PIP4K2A: variants seen among roughly 807,000 people sequenced by gnomAD.
PIP4K2A encodes phosphatidylinositol-5-phosphate 4-kinase type 2 alpha.
Under a neutral mutation model 42.9 loss-of-function variants are expected in PIP4K2A, and 14 were observed. That is an observed-to-expected ratio of 0.33 (90% CI 0.22 to 0.51). The LOEUF is 0.51. Ranked by LOEUF, PIP4K2A falls within the 20% of genes least tolerant of loss-of-function variation. The pLI, the probability that PIP4K2A is intolerant of heterozygous loss-of-function variation, is 0.97. For missense variants in PIP4K2A, 434 were observed against 519.8 expected (o/e 0.83, Z 1.61); for synonymous variants, 192 against 192.2 (o/e 1.00, Z 0.01).
At chr10:22,638,237 G>C (rs558551018) in intron 1 of PIP4K2A, among the ~76,000 whole-genome samples, 1 of 152,258 alleles carries the variant, frequency 6.6e-6, no homozygotes, top group South Asian at 2.1e-4. Context: ...AAAGCATTGG[G>C]TTTTGATTAA....
chr10:22,690,401 T>C (rs775905663), intron 1 of PIP4K2A, among the ~76,000 whole-genome samples: 3 of 152,234 alleles, frequency 2.0e-5, no homozygotes, highest in Non-Finnish European at 2.9e-5. Context: ...ATTTAAATCA[T>C]TAGGGTTCCC....
intron 1 of PIP4K2A, among the ~76,000 whole-genome samples, chr10:22,639,009 C>T (rs1389910614): frequency 2.0e-5 from 3 of 152,026 alleles, no homozygotes; most frequent in Non-Finnish European, 4.4e-5. Flanking sequence ...CTCAAGGCCA[C>T]CAGAAGCCCT....
chr10:22,601,838 C>A (rs1442860156), intron 3 of PIP4K2A, among the ~76,000 whole-genome samples: 1 of 152,224 alleles, frequency 6.6e-6, no homozygotes, highest in Non-Finnish European at 1.5e-5. Flanking sequence ...TCCTTTCTAT[C>A]CACCTGTAGC....
In PIP4K2A at chr10:22,537,080, T is replaced by TAAAC; in HGVS notation, c.*117_*120dup. On this transcript the variant is annotated 3_prime_UTR_variant, in exon 10 of 10. Coordinates refer to ENST00000376573, the MANE Select transcript of PIP4K2A (RefSeq NM_005028.5). ...AATCAGTCATCTTGGCCTGAAGATGTAAACAAGGAGGTTTGCTTCCTGCAA... is the reference window on the plus strand; with the variant it reads ...AATCAGTCATCTTGGCCTGAAGATGTAAACAAACAAGGAGGTTTGCTTCCTGCAA... The TAAAC allele has an allele frequency of 1.4e-6, 1 of 709,876 alleles. No homozygotes were observed. The highest frequency in any genetic ancestry group is 1.8e-5 in the South Asian group (1 of 54,844). The allele number at this position is 709,876 out of a possible 1,614,324, so 44.0% of individuals were successfully genotyped here.
At chr10:22,587,162 C>G (rs1837414910) in intron 4 of PIP4K2A, among the ~76,000 whole-genome samples, 1 of 152,140 alleles carries the variant, frequency 6.6e-6, no homozygotes, top group African/African-American at 2.4e-5. Context: ...AGAGGCTGGC[C>G]TTGGGCAATT....
At chr10:22,645,549 T>TAAAAAAAAAA (rs71395807) in intron 1 of PIP4K2A, among the ~76,000 whole-genome samples, 1 of 126,914 alleles carries the variant, frequency 7.9e-6, no homozygotes. Flanking sequence ...TCTATTTCTT[T>TAAAAAAAAAA]AAAAAAAAAA....
At chr10:22,701,874 T>G (rs1356918884) in intron 1 of PIP4K2A, among the ~76,000 whole-genome samples, 1 of 152,150 alleles carries the variant, frequency 6.6e-6, no homozygotes, top group Non-Finnish European at 1.5e-5. Context: ...CCTCATGGGT[T>G]GACAGGAACA....
chr10:22,539,058 A>G (rs1435623333), intron 9 of PIP4K2A, among the ~76,000 whole-genome samples: 2 of 152,166 alleles, frequency 1.3e-5, no homozygotes, highest in African/African-American at 2.4e-5. Context: ...GGTGGGCTCT[A>G]TGGCTTTCAG....
In PIP4K2A at chr10:22,534,868, C is replaced by T. The variant is rs4748809; in HGVS notation, c.*2333G>A. 0.95 allele frequency: 143,949 copies of T among 152,292 alleles called. 68,039 individuals carry two copies. Among genetic ancestry groups the T allele is most frequent in the East Asian group, 1 (5,169 of 5,176 alleles). 9.4% of individuals were successfully genotyped at this position (152,292 alleles called of 1,614,324 possible). On this transcript the variant is annotated 3_prime_UTR_variant, in exon 10 of 10. Coordinates refer to ENST00000376573, the MANE Select transcript of PIP4K2A (RefSeq NM_005028.5). ...AACTAAAAAGATTCAATTCCACTTT[C>T]ATTTCTTCAAGGATTAGCTAAAGAC...
intron 3 of PIP4K2A, among the ~76,000 whole-genome samples, chr10:22,598,053 C>G (rs926290719): frequency 6.6e-6 from 1 of 152,168 alleles, no homozygotes; most frequent in Admixed American, 6.5e-5. Context: ...AATAAAGTGA[C>G]ATTATTTAAA....
chr10:22,631,905 G>A (rs1441120855), intron 1 of PIP4K2A, among the ~76,000 whole-genome samples: 1 of 152,174 alleles, frequency 6.6e-6, no homozygotes, highest in African/African-American at 2.4e-5. Context: ...TGACATCACC[G>A]TAACCAACTG....
chr10:22,571,762 A>G (rs905667276), intron 5 of PIP4K2A, among the ~76,000 whole-genome samples: 2 of 152,244 alleles, frequency 1.3e-5, no homozygotes, highest in African/African-American at 4.8e-5. Flanking sequence ...ATGCTTTAAC[A>G]ACTTTCCAAA....
intron 4 of PIP4K2A, among the ~76,000 whole-genome samples, chr10:22,581,248 A>G (rs1394969299): frequency 6.8e-6 from 1 of 146,196 alleles, no homozygotes; most frequent in Non-Finnish European, 1.5e-5. Context: ...CCCTCCGCTC[A>G]CATCAAACAG....
intron 6 of PIP4K2A, among the ~76,000 whole-genome samples, chr10:22,552,360 G>C (rs1483148225): frequency 6.6e-6 from 1 of 152,152 alleles, no homozygotes; most frequent in African/African-American, 2.4e-5. Context: ...GAGTTATTGA[G>C]TCTTTAAGAA....
intron 4 of PIP4K2A, among the ~76,000 whole-genome samples, chr10:22,587,339 T>G (rs533263936): frequency 1.3e-5 from 2 of 152,178 alleles, no homozygotes; most frequent in Non-Finnish European, 2.9e-5. Context: ...TCAACTGATA[T>G]GCACCTGAAC....
chr10:22,658,285 A>T (rs960239514), intron 1 of PIP4K2A, among the ~76,000 whole-genome samples: 19 of 152,252 alleles, frequency 1.2e-4, no homozygotes, highest in African/African-American at 3.6e-4. Context: ...TGAATGTGAC[A>T]TAAACTGAAA....
intron 4 of PIP4K2A, among the ~76,000 whole-genome samples, chr10:22,587,874 C>T (rs572362882): frequency 2.6e-5 from 4 of 152,324 alleles, no homozygotes; most frequent in East Asian, 3.9e-4. Flanking sequence ...ATGTTTGACT[C>T]GGCGGACTGC....
At chr10:22,707,972 A>G (rs1313235675) in intron 1 of PIP4K2A, among the ~76,000 whole-genome samples, 1 of 152,170 alleles carries the variant, frequency 6.6e-6, no homozygotes, top group Non-Finnish European at 1.5e-5. Flanking sequence ...CTAGTACAAA[A>G]AAGAAAAGAA....
rs958352619 is a variant in PIP4K2A, at chr10:22,648,616, T to G, written c.145-38899A>C. On this transcript the variant is annotated intron_variant, in intron 1 of 9. Coordinates refer to ENST00000376573, the MANE Select transcript of PIP4K2A (RefSeq NM_005028.5). ...CCCTGAAACATGTGACCTTTTCTTA[T>G]GCAGTTTATCTCCAGGAAGAACAGA... is the stretch of plus-strand genomic sequence containing the variant. Among the ~76,000 whole-genome samples the G allele has an allele frequency of 1.1e-4, 16 of 152,200 alleles. 1 individual carries two copies. The highest frequency in any genetic ancestry group is 1.0e-3 in the Admixed American group (16 of 15,276).
Sources: gnomAD v4.1 joint callset for allele counts (sites outside exome capture counted in the v4.1 genomes callset) on GRCh38, gnomAD v4.1.1 for gene constraint, MANE v1.5 for transcripts, NCBI Gene and HGNC (gene_info 2026-07-23, HGNC 2026-07-21) for gene names.